The following VSTM2L variants were observed in gnomAD, a reference collection of about 807,000 sequenced individuals.
VSTM2L encodes the protein V-set and transmembrane domain-containing protein 2-like protein.
In VSTM2L, 9 loss-of-function variants were observed where a neutral mutation model predicts 19.9. The observed-to-expected ratio is 0.45, with a 90% confidence interval of 0.27 to 0.79. The LOEUF (loss-of-function observed/expected upper bound fraction) is 0.79, where lower values mean the gene tolerates loss of function less well. VSTM2L is among the 30% of genes least tolerant of loss of function. The probability of loss-of-function intolerance (pLI) is 0.15; values close to 1 mark genes in which losing one functional copy is unlikely to be tolerated. For missense variants in VSTM2L, 286 were observed against 295.5 expected, an observed-to-expected ratio of 0.97 and a Z score of 0.24; for synonymous variants, 127 against 133.8, an observed-to-expected ratio of 0.95 and a Z score of 0.35.
At position 37,933,420 on chromosome 20, in the gene VSTM2L, C is replaced by T. The variant is rs576729581; in HGVS notation, c.292-119C>T. 1.1e-3 allele frequency: 925 copies of T among 814,304 alleles called. 6 individuals carry two copies. Among genetic ancestry groups the T allele is most frequent in the South Asian group, 2.9e-3 (159 of 55,466 alleles). 50.4% of individuals were successfully genotyped at this position (814,304 alleles called of 1,614,324 possible). A position where few individuals can be genotyped will look rare whatever the true frequency, so the allele number is the denominator to read the frequency against. On this transcript the variant is annotated intron_variant, in intron 2 of 3. Transcript: ENST00000373461. The stretch of plus-strand genomic sequence containing the variant: ...ATGGCCCCCGAGCCTCATCTGCTGT[C>T]GTGAGAATCTTAGCGGTTGTCCGTA...
At chr20:37,909,209 T>C (rs908613121) in intron 1 of VSTM2L, among the ~76,000 whole-genome samples, 2 of 152,222 alleles carry the variant, frequency 1.3e-5, no homozygotes, top group African/African-American at 4.8e-5. Context: ...AACAGAATGC[T>C]ATCCCAGCGA....
chr20:37,941,297 G>A (rs77229479), intron 3 of VSTM2L, among the ~76,000 whole-genome samples: 1,658 of 152,276 alleles, frequency 0.011, 33 homozygotes, highest in African/African-American at 0.039. Context: ...AGTGGGGACA[G>A]GGGGTCAATT....
chr20:37,912,573 G>C (rs901803391), intron 1 of VSTM2L, among the ~76,000 whole-genome samples: 3 of 152,222 alleles, frequency 2.0e-5, no homozygotes, highest in African/African-American at 7.2e-5. Flanking sequence ...GGGAGCCTGG[G>C]GGCAGGTCAG....
intron 1 of VSTM2L, among the ~76,000 whole-genome samples, chr20:37,929,664 G>A (rs2072897619): frequency 6.6e-6 from 1 of 152,174 alleles, no homozygotes; most frequent in Non-Finnish European, 1.5e-5. Context: ...GCCAGTGAGG[G>A]TTCCCCACTG....
chr20:37,907,075 T>G (rs182706107), intron 1 of VSTM2L, among the ~76,000 whole-genome samples: 5 of 152,300 alleles, frequency 3.3e-5, no homozygotes, highest in Admixed American at 6.5e-5. Context: ...GAATGGTTAT[T>G]TGATGGGACC....
At chr20:37,937,953 G>A (rs185932038) in intron 3 of VSTM2L, among the ~76,000 whole-genome samples, 3 of 152,302 alleles carry the variant, frequency 2.0e-5, no homozygotes, top group East Asian at 3.9e-4. Flanking sequence ...GCTAGTGGCC[G>A]ATGAGGCTGA....
intron 3 of VSTM2L, among the ~76,000 whole-genome samples, chr20:37,941,246 C>T (rs149574249): frequency 1.8e-4 from 27 of 152,218 alleles, no homozygotes; most frequent in Non-Finnish European, 2.8e-4. Flanking sequence ...GACAAATACA[C>T]GGTTCAAAAT....
intron 1 of VSTM2L, among the ~76,000 whole-genome samples, chr20:37,928,581 G>A (rs1022383098): frequency 3.3e-5 from 5 of 152,190 alleles, no homozygotes; most frequent in African/African-American, 1.2e-4. Flanking sequence ...AAGCAAGACC[G>A]TGTCTCTACA....
At chr20:37,917,253 T>C (rs2072823681) in intron 1 of VSTM2L, among the ~76,000 whole-genome samples, 1 of 151,906 alleles carries the variant, frequency 6.6e-6, no homozygotes, top group East Asian at 1.9e-4. Flanking sequence ...AGGCGGAGGT[T>C]GCAGTGAGCA....
At chr20:37,933,647 A>T in intron 3 of VSTM2L, 58 bp downstream of exon 3, 1 of 1,477,328 alleles carries the variant, frequency 6.8e-7, no homozygotes, top group East Asian at 2.4e-5. Flanking sequence ...GCTGTGACTT[A>T]AAAAAAAATT....
intron 3 of VSTM2L, 69 bp from the exon 4 acceptor site, chr20:37,943,912 C>T: frequency 4.8e-6 from 3 of 618,628 alleles, no homozygotes; most frequent in East Asian, 4.4e-5. Flanking sequence ...CTTGGGACCC[C>T]CCCCCCCGAC....
At chr20:37,929,281 G>A (rs1351988196) in intron 1 of VSTM2L, among the ~76,000 whole-genome samples, 1 of 152,162 alleles carries the variant, frequency 6.6e-6, no homozygotes, top group African/African-American at 2.4e-5. Flanking sequence ...TGGGATGCCT[G>A]GGGAAGGAGC....
chr20:37,913,459 C>T (rs1002251363), intron 1 of VSTM2L, among the ~76,000 whole-genome samples: 1 of 152,212 alleles, frequency 6.6e-6, no homozygotes, highest in Non-Finnish European at 1.5e-5. Flanking sequence ...CTGCAGCCCT[C>T]TCATGCGAGC....
At chr20:37,935,674 CG>C (rs143927784) in intron 3 of VSTM2L, among the ~76,000 whole-genome samples, 64 of 152,162 alleles carry the variant, frequency 4.2e-4, no homozygotes, top group African/African-American at 1.5e-3. Context: ...TTCTGGTTGT[CG>C]TTATCCGCTT....
intron 1 of VSTM2L, among the ~76,000 whole-genome samples, chr20:37,903,701 C>T (rs2072735268): frequency 6.6e-6 from 1 of 152,228 alleles, no homozygotes; most frequent in Non-Finnish European, 1.5e-5. Flanking sequence ...ATACGCACAC[C>T]TGCATGGCCA....
At chr20:37,907,200 G>T (rs2072756007) in intron 1 of VSTM2L, among the ~76,000 whole-genome samples, 1 of 152,188 alleles carries the variant, frequency 6.6e-6, no homozygotes, top group African/African-American at 2.4e-5. Context: ...TCTGCCTCCT[G>T]GGTTCAAATG....
intron 1 of VSTM2L, among the ~76,000 whole-genome samples, chr20:37,906,161 G>C (rs928882326): frequency 2.6e-5 from 4 of 152,174 alleles, no homozygotes; most frequent in Admixed American, 2.0e-4. Context: ...CGGCCGCCGG[G>C]CTCCTGCCTT....
chr20:37,945,163 G>A lies in VSTM2L; in HGVS notation c.*910G>A, dbSNP rs1017218313. The A allele has an allele frequency of 1.0e-6, 1 of 985,438 alleles. No individual in the cohort carries two copies. The highest frequency in any genetic ancestry group is 1.7e-5 in the African/African-American group (1 of 57,182). 61.0% of individuals were successfully genotyped at this position (985,438 alleles called of 1,614,324 possible). A position where few individuals can be genotyped will look rare whatever the true frequency, so the allele number is the denominator to read the frequency against. ...CGATCACGGGCACACCTGCCCCCTG[G>A]TTATTTGTAAATATTTCTATTGGAC... On this transcript the variant is annotated 3_prime_UTR_variant, in exon 4 of 4. Transcript: ENST00000373461.
chr20:37,942,098 T>C (rs997159511), intron 3 of VSTM2L, among the ~76,000 whole-genome samples: 2 of 152,156 alleles, frequency 1.3e-5, no homozygotes, highest in Non-Finnish European at 2.9e-5. Flanking sequence ...AGAGCTTTAA[T>C]CTGGAAATCA....
Sources: allele counts gnomAD v4.1 joint callset (sites outside exome capture counted in the v4.1 genomes callset), GRCh38; gene constraint gnomAD v4.1.1; transcripts MANE v1.5; gene names NCBI Gene and HGNC (gene_info 2026-07-23, HGNC 2026-07-21).